Variants in MMP2 observed in about 807,000 individuals in gnomAD.
The protein encoded by MMP2 is 72 kDa type IV collagenase.
MMP2 carries 39 observed loss-of-function variants against 74.8 expected under a neutral mutation model. The observed-to-expected ratio is 0.52, with a 90% CI of 0.40 to 0.68. MMP2 has a LOEUF of 0.68. Among genes scored for constraint, MMP2 ranks in the 30% least tolerant of loss-of-function variants. MMP2 has a pLI of 0.00. For missense variants in MMP2, 803 were observed against 878.3 expected (o/e 0.91, Z 1.08); for synonymous variants, 367 against 339.8 (o/e 1.08, Z -0.88).
chr16:55,492,006 C>T (rs1262060021), intron 8 of MMP2, 50 bp downstream of exon 8: 1 of 1,551,624 alleles, frequency 6.4e-7, no homozygotes, highest in Non-Finnish European at 8.8e-7. Context: ...GGGGGGAGGT[C>T]ATGTAGCCTG....
At position 55,492,029 on chromosome 16, in the gene MMP2, A is replaced by AG. The variant is rs796581321; in HGVS notation, c.1336+78dup. On this transcript the variant is annotated intron_variant, in intron 8 of 12. Transcript: ENST00000219070. ...GTCATGTAGCCTGGGATGGAGGCCC[A>AG]GGGGGTGGGACCAGCAAGATCTCAT... 61 of 1,445,574 alleles carry AG rather than the reference A, an allele frequency of 4.2e-5. No individual in the cohort carries two copies. In the African/African-American group the frequency reaches 7.8e-4, roughly 18 times the overall value. The allele number at this position is 1,445,574 out of a possible 1,614,324, so 89.5% of individuals were successfully genotyped here.
chr16:55,493,026 C>T lies in MMP2; in HGVS notation c.1337-132C>T, dbSNP rs17859940. On this transcript the variant is annotated intron_variant, in intron 8 of 12. Transcript: ENST00000219070. The stretch of plus-strand genomic sequence containing the variant: ...GTCCAGGCATCTTCTTGTTACCTTA[C>T]GGAGCTTACACTAAGGCCAGAAGGC... 1.3e-3 allele frequency: 1,435 copies of T among 1,066,404 alleles called. 12 individuals are homozygous for T. In the African/African-American group the frequency reaches 0.017, roughly 13 times the overall value. The allele number at this position is 1,066,404 out of a possible 1,614,324, so 66.1% of individuals were successfully genotyped here. A position where few individuals can be genotyped will look rare whatever the true frequency, so the allele number is the denominator to read the frequency against.
chr16:55,504,012 G>C (rs1378025570), intron 12 of MMP2, among the ~76,000 whole-genome samples: 2 of 152,120 alleles, frequency 1.3e-5, no homozygotes, highest in Admixed American at 6.5e-5. Context: ...AAAAACATTA[G>C]CTACACATGA....
chr16:55,489,623 G>T (rs751332887), intron 6 of MMP2, 28 bp from the exon 7 acceptor site: 1 of 1,612,950 alleles, frequency 6.2e-7, no homozygotes. Context: ...TCTTTGCTGC[G>T]CCTTGACCCG....
In MMP2 at chr16:55,505,460, C is replaced by T. The variant is rs1324274455; in HGVS notation, c.*18C>T. 2 of 1,604,296 alleles carry T rather than the reference C, an allele frequency of 1.2e-6. No homozygotes were observed. The highest frequency in any genetic ancestry group is 1.7e-6 in the Non-Finnish European group (2 of 1,171,172). The stretch of plus-strand genomic sequence containing the variant: ...GCTGCTGAGCTGGCCCTGGCTCCCA[C>T]AGGCCCTTCCTCTCCACTGCCTTCG... On this transcript the variant is annotated 3_prime_UTR_variant, in exon 13 of 13. Coordinates refer to ENST00000219070, the MANE Select transcript of MMP2 (RefSeq NM_004530.6).
At chr16:55,499,848 T>A (rs1962622215) in intron 11 of MMP2, among the ~76,000 whole-genome samples, 2 of 152,072 alleles carry the variant, frequency 1.3e-5, no homozygotes, top group South Asian at 4.2e-4. Context: ...TTGTGGTGTG[T>A]CTTTCCATCC....
rs2287076 is a variant in MMP2, at chr16:55,498,546, T to C, written c.1769+98T>C. 0.42 allele frequency: 643,306 copies of C among 1,539,242 alleles called. 137,307 individuals are homozygous for C. Among genetic ancestry groups the C allele is most frequent in the Non-Finnish European group, 0.44 (496,597 of 1,116,936 alleles). ...AGCCTCCTGGGCTGAGTTCAGAGGTTGGTGGGCTCTGGATGCCCTCTCTCT... is the reference window on the plus strand; with the variant it reads ...AGCCTCCTGGGCTGAGTTCAGAGGTCGGTGGGCTCTGGATGCCCTCTCTCT... On this transcript the variant is annotated intron_variant, in intron 11 of 12. Coordinates refer to ENST00000219070, the MANE Select transcript of MMP2 (RefSeq NM_004530.6).
At chr16:55,495,465 T>C (rs1316622231) in intron 9 of MMP2, among the ~76,000 whole-genome samples, 1 of 152,152 alleles carries the variant, frequency 6.6e-6, no homozygotes, top group African/African-American at 2.4e-5. Context: ...TAGGCACTGG[T>C]GAGGGTGGGG....
intron 12 of MMP2, among the ~76,000 whole-genome samples, chr16:55,504,211 G>GT (rs1199880404): frequency 1.3e-5 from 2 of 152,064 alleles, no homozygotes; most frequent in Admixed American, 6.5e-5. Context: ...AGATATTCTA[G>GT]TTTTTTTAAA....
Position 55,493,256 on chromosome 16 carries a change from G to C in MMP2, c.1435G>C (p.Ala479Pro), listed in dbSNP as rs778788986. ...ACAGGACATTGTATTTGATGGCATC[G>C]CTCAGATCCGTGGTGAGATCTTCTT... is the stretch of plus-strand genomic sequence containing the variant. ...CKQDIVFDGI[A>P]QIRGEIFFFK... The change falls in exon 9 of 13, where the codon GCT becomes CCT. Residue 479 changes from alanine to proline, a missense_variant. Around this residue, in one of 3 missense-constraint regions of MMP2, gnomAD observed 555 missense variants for 592.0 expected, o/e 0.94. Coordinates refer to ENST00000219070, the MANE Select transcript of MMP2 (RefSeq NM_004530.6). 6.2e-6 allele frequency: 10 copies of C among 1,614,020 alleles called. No individual in the cohort carries two copies. The highest frequency in any genetic ancestry group is 8.5e-6 in the Non-Finnish European group (10 of 1,180,040).
chr16:55,496,861 G>C (rs552357836), intron 9 of MMP2, 65 bp from the exon 10 acceptor site: 3 of 1,603,342 alleles, frequency 1.9e-6, no homozygotes, highest in African/African-American at 1.3e-5. Flanking sequence ...GTTTGGGGGT[G>C]TGTGTGGTTC....
chr16:55,502,854 T>A lies in MMP2; in HGVS notation c.1845T>A (p.Asp615Glu), dbSNP rs1417752927. ...CAGATGCCTGGAATGCCATCCCCGA[T>A]AACCTGGATGCCGTCGTGGACCTGC... ...LIADAWNAIP[D>E]NLDAVVDLQG... Residue 615 changes from aspartate (D) to glutamate (E), a missense_variant, in exon 12 of 13, where the codon GAT (aspartate) becomes GAA (glutamate). Asp to Glu is a conservative substitution (Grantham distance 45). This residue lies in a region of MMP2 where 555 missense variants were observed against 592.0 expected (regional missense o/e 0.94). Transcript: ENST00000219070. 1 of 1,613,886 alleles carries A rather than the reference T, an allele frequency of 6.2e-7. No homozygotes were observed. Among genetic ancestry groups the A allele is most frequent in the Non-Finnish European group, 8.5e-7 (1 of 1,180,032 alleles).
At position 55,489,883 on chromosome 16, in the gene MMP2, C is replaced by T. The variant is rs549934392; in HGVS notation, c.1180+59C>T. 1.5e-4 allele frequency: 242 copies of T among 1,574,626 alleles called. 1 individual carries two copies. Among genetic ancestry groups the T allele is most frequent in the Non-Finnish European group, 2.0e-4 (227 of 1,158,624 alleles). On this transcript the variant is annotated intron_variant, in intron 7 of 12. Transcript: ENST00000219070. ...GACATTGCCCTTGCCCCTAAACTTG[C>T]TCCAAAAACCTTCCTGAGACCTCAC...
chr16:55,488,864 G>A (rs1326696905), intron 6 of MMP2, 148 bp downstream of exon 6: 14 of 828,524 alleles, frequency 1.7e-5, no homozygotes, highest in Admixed American at 4.2e-5. Flanking sequence ...CAAGATGTCC[G>A]TGTAGCTAGT....
At chr16:55,485,102 T>C (rs934046719) in intron 3 of MMP2, among the ~76,000 whole-genome samples, 197 bp from the exon 4 acceptor site, 1 of 152,064 alleles carries the variant, frequency 6.6e-6, no homozygotes, top group Non-Finnish European at 1.5e-5. Context: ...GGGAGAGCAG[T>C]GTAGACCATA....
chr16:55,502,684 A>T, intron 11 of MMP2, 95 bp from the exon 12 acceptor site: 2 of 1,119,256 alleles, frequency 1.8e-6, no homozygotes, highest in Non-Finnish European at 1.3e-6. Flanking sequence ...TCCGAGGCCT[A>T]TCCAGGAGCC....
intron 1 of MMP2, chr16:55,481,936 C>A: frequency 1.5e-6 from 1 of 661,136 alleles, no homozygotes; most frequent in Non-Finnish European, 2.8e-6. Flanking sequence ...TTGTTATGTC[C>A]TCCATTTCCC....
intron 12 of MMP2, 93 bp downstream of exon 12, chr16:55,502,981 G>A (rs1962708497): frequency 9.2e-6 from 9 of 981,280 alleles, no homozygotes; most frequent in Admixed American, 1.9e-5. Context: ...TATTGTGCAG[G>A]GCAGGCAGGC....
rs1962806568 is a variant in MMP2 at position 55,506,530 on chromosome 16, G to C, written c.*1088G>C. On this transcript the variant is annotated 3_prime_UTR_variant, in exon 13 of 13. Coordinates refer to ENST00000219070, the MANE Select transcript of MMP2 (RefSeq NM_004530.6). ...TGTTTCTTCATTAGCAATCATATCA[G>C]TTTTAATGCTACTACTAACAATGAA... is the stretch of plus-strand genomic sequence containing the variant. The C allele has an allele frequency of 6.6e-6, 1 of 152,176 alleles. No homozygotes were observed. Among genetic ancestry groups the C allele is most frequent in the Non-Finnish European group, 1.5e-5 (1 of 68,040 alleles). The allele number at this position is 152,176 out of a possible 1,614,324, so 9.4% of individuals were successfully genotyped here.
Sources: gnomAD v4.1 joint callset for allele counts (sites outside exome capture counted in the v4.1 genomes callset) on GRCh38, gnomAD v4.1.1 for gene constraint, gnomAD v4.1.1 regional missense constraint, MANE v1.5 for transcripts, NCBI Gene and HGNC (gene_info 2026-07-23, HGNC 2026-07-21) for gene names.